Variants in WWC2 observed in about 807,000 individuals in gnomAD.
The protein encoded by WWC2 is WW and C2 domain containing 2.
A neutral mutation model predicts 138.5 loss-of-function variants in WWC2; 101 were observed. The observed-to-expected ratio is 0.73, with a 90% CI of 0.62 to 0.86. WWC2 has a LOEUF of 0.86. Ranked by LOEUF, WWC2 falls within the 40% of genes least tolerant of loss-of-function variation. The pLI is 0.00. For missense variants in WWC2, 1,420 were observed against 1,419.4 expected, an observed-to-expected ratio of 1.00 and a Z score of -0.01; for synonymous variants, 558 against 538.4, an observed-to-expected ratio of 1.04 and a Z score of -0.50.
intron 1 of WWC2, among the ~76,000 whole-genome samples, chr4:183,153,506 A>C (rs1049176252): frequency 5.9e-5 from 9 of 152,230 alleles, no homozygotes; most frequent in African/African-American, 2.2e-4. Context: ...ACGTGTAACT[A>C]AAATAGTTAA....
intron 1 of WWC2, among the ~76,000 whole-genome samples, chr4:183,126,202 G>T (rs1732752869): frequency 6.6e-6 from 1 of 152,092 alleles, no homozygotes. Context: ...TGTTCATTGG[G>T]GTATTCAGAT....
At chr4:183,172,020 T>C (rs1032618992) in intron 1 of WWC2, among the ~76,000 whole-genome samples, 10 of 152,216 alleles carry the variant, frequency 6.6e-5, no homozygotes. Context: ...ATGATTGCAT[T>C]TCCTTTTGTT....
chr4:183,133,404 G>A (rs1050818517), intron 1 of WWC2, among the ~76,000 whole-genome samples: 15 of 152,002 alleles, frequency 9.9e-5, no homozygotes, highest in Non-Finnish European at 1.8e-4. Flanking sequence ...AAAAATGTAT[G>A]TCTTAATGCC....
chr4:183,253,766 CT>C lies in WWC2; in HGVS notation c.965del (p.Leu322Ter). 6.2e-7 allele frequency: 1 copy of C among 1,606,836 alleles called. No individual in the cohort carries two copies. Among genetic ancestry groups the C allele is most frequent in the Non-Finnish European group, 8.5e-7 (1 of 1,178,074 alleles). ...ATCTTTTTTTTTTTAGTATGGCCAA[CT>C]TAAAAATTGAACTGTCAAAATTGGA... ...YEEAKRSMAN[L>X]KIELSKLDSE... On this transcript the variant is annotated frameshift_variant, in exon 9 of 23. Transcript: ENST00000403733. LOFTEE classifies it high-confidence loss of function.
intron 1 of WWC2, among the ~76,000 whole-genome samples, chr4:183,151,912 T>C (rs1733645421): frequency 6.6e-6 from 1 of 152,208 alleles, no homozygotes; most frequent in Non-Finnish European, 1.5e-5. Context: ...TCTGTCTTGG[T>C]ACCAGTACCA....
In WWC2 at chr4:183,317,338, A is replaced by C. The variant is rs889447572; in HGVS notation, c.*1609A>C. The C allele has an allele frequency of 1.3e-5, 2 of 152,342 alleles. No homozygotes were observed. Among genetic ancestry groups the C allele is most frequent in the Non-Finnish European group, 2.9e-5 (2 of 68,020 alleles). The allele number at this position is 152,342 out of a possible 1,614,324, so 9.4% of individuals were successfully genotyped here. On this transcript the variant is annotated 3_prime_UTR_variant, in exon 23 of 23. Transcript: ENST00000403733. ...CTAGAACTTTAATTACTTTTTCCTA[A>C]ATGTCCCAACACTTACATACAAATT...
intron 1 of WWC2, among the ~76,000 whole-genome samples, chr4:183,129,730 T>C (rs916373688): frequency 7.2e-5 from 11 of 152,342 alleles, no homozygotes; most frequent in African/African-American, 2.6e-4. Flanking sequence ...TCTTTTCAGG[T>C]ACTATGCAGA....
intron 16 of WWC2, among the ~76,000 whole-genome samples, chr4:183,279,851 T>C (rs933307549): frequency 1.9e-4 from 29 of 152,300 alleles, no homozygotes; most frequent in African/African-American, 7.0e-4. Flanking sequence ...AGTTTCACTC[T>C]GATATGCTAA....
intron 21 of WWC2, among the ~76,000 whole-genome samples, chr4:183,292,492 A>G (rs928412700): frequency 1.3e-5 from 2 of 152,178 alleles, no homozygotes; most frequent in African/African-American, 2.4e-5. Flanking sequence ...GTGACAGGAA[A>G]AAACAGTTGA....
At chr4:183,148,038 T>C (rs1047442565) in intron 1 of WWC2, among the ~76,000 whole-genome samples, 1 of 152,212 alleles carries the variant, frequency 6.6e-6, no homozygotes, top group African/African-American at 2.4e-5. Context: ...ATTCCAGCTC[T>C]GCTGTGAAAT....
intron 1 of WWC2, among the ~76,000 whole-genome samples, chr4:183,103,844 C>T (rs112465407): frequency 6.7e-6 from 1 of 150,240 alleles, no homozygotes; most frequent in Admixed American, 6.7e-5. Flanking sequence ...CCATGTTGGC[C>T]AGGATGATCT....
At chr4:183,202,633 A>G (rs1735333591) in intron 2 of WWC2, among the ~76,000 whole-genome samples, 1 of 152,148 alleles carries the variant, frequency 6.6e-6, no homozygotes. Context: ...TTAAGTTACA[A>G]GTCTCTTTTT....
rs1458327247 is a variant in WWC2, at chr4:183,261,367, A to G, written c.1744A>G (p.Thr582Ala). 3 of 1,613,144 alleles carry G rather than the reference A, an allele frequency of 1.9e-6. No individual in the cohort carries two copies. The highest frequency in any genetic ancestry group is 8.5e-7 in the Non-Finnish European group (1 of 1,179,576). Reference protein sequence around the residue: ...SSHDASLHQFTADFEDCELSS... With the variant: ...SSHDASLHQFAADFEDCELSS... Reference sequence around the variant, plus strand: ...TCATGATGCCTCTCTCCATCAGTTCACTGCTGACTTTGAAGACTGTGAGTT... The same window carrying G: ...TCATGATGCCTCTCTCCATCAGTTCGCTGCTGACTTTGAAGACTGTGAGTT... Residue 582 changes from threonine to alanine, a missense_variant, in exon 11 of 23, where the codon ACT becomes GCT. Physicochemically the swap from Thr to Ala is moderately conservative, Grantham distance 58. Transcript: ENST00000403733.
At chr4:183,308,033 G>A (rs902333323) in intron 21 of WWC2, among the ~76,000 whole-genome samples, 2 of 152,170 alleles carry the variant, frequency 1.3e-5, no homozygotes, top group Non-Finnish European at 2.9e-5. Context: ...TAACAAGGTT[G>A]TAGGATATAA....
intron 1 of WWC2, among the ~76,000 whole-genome samples, chr4:183,192,005 G>C (rs1025405373): frequency 9.9e-5 from 15 of 152,192 alleles, no homozygotes; most frequent in African/African-American, 3.4e-4. Context: ...AATTACAGGC[G>C]TGAGCCACGG....
At chr4:183,250,311 G>T (rs908250952) in intron 8 of WWC2, among the ~76,000 whole-genome samples, 2 of 152,180 alleles carry the variant, frequency 1.3e-5, no homozygotes, top group African/African-American at 2.4e-5. Context: ...GAGAAGATTG[G>T]TTGCTTTGAT....
intron 16 of WWC2, among the ~76,000 whole-genome samples, chr4:183,279,831 A>G (rs1013079235): frequency 2.6e-5 from 4 of 151,602 alleles, no homozygotes; most frequent in Non-Finnish European, 5.9e-5. Context: ...TTTTTCTTTG[A>G]TTTTTCAGCA....
intron 4 of WWC2, among the ~76,000 whole-genome samples, chr4:183,218,733 G>C (rs56910448): frequency 0.019 from 2,922 of 152,274 alleles, 94 homozygotes; most frequent in African/African-American, 0.067. Flanking sequence ...TGGCAGTGCA[G>C]ATGAAGTCCA....
At chr4:183,218,332 G>A (rs1174441688) in intron 4 of WWC2, among the ~76,000 whole-genome samples, 1 of 151,646 alleles carries the variant, frequency 6.6e-6, no homozygotes, top group Non-Finnish European at 1.5e-5. Flanking sequence ...ACACCTATTA[G>A]GAAAGCTATT....
Sources: allele counts gnomAD v4.1 joint callset (sites outside exome capture counted in the v4.1 genomes callset), GRCh38; gene constraint gnomAD v4.1.1; transcripts MANE v1.5; gene names NCBI Gene and HGNC (gene_info 2026-07-23, HGNC 2026-07-21).